The following TMC8 variants were observed in gnomAD, a reference collection of about 807,000 sequenced individuals.
The protein encoded by TMC8 is transmembrane channel like 8.
TMC8 carries 71 observed loss-of-function variants against 76.0 expected under a neutral mutation model. The observed-to-expected ratio is 0.93, with a 90% CI of 0.77 to 1.14. The LOEUF (loss-of-function observed/expected upper bound fraction) is 1.14. Ranked by LOEUF, TMC8 falls within the 50% of genes most tolerant of loss-of-function variation. TMC8 has a pLI of 0.00. For missense variants in TMC8, 924 were observed against 947.9 expected, an observed-to-expected ratio of 0.97 and a Z score of 0.33; for synonymous variants, 433 against 433.8, an observed-to-expected ratio of 1.00 and a Z score of 0.02.
chr17:78,133,259 G>C, intron 5 of TMC8, 147 bp from the exon 6 acceptor site: 2 of 1,309,474 alleles, frequency 1.5e-6, no homozygotes, highest in Non-Finnish European at 2.2e-6. Flanking sequence ...CCGTGGGCAC[G>C]TTGCCGAACC....
In TMC8 at chr17:78,141,375, A is replaced by T. The variant is rs1302794159; in HGVS notation, c.*263A>T. 5.9e-6 allele frequency: 2 copies of T among 339,212 alleles called. No individual in the cohort carries two copies. The highest frequency in any genetic ancestry group is 1.1e-5 in the Non-Finnish European group (2 of 188,002). The allele number at this position is 339,212 out of a possible 1,614,324, so 21.0% of individuals were successfully genotyped here. A position where few individuals can be genotyped will look rare whatever the true frequency, so the allele number is the denominator to read the frequency against. On this transcript the variant is annotated 3_prime_UTR_variant, in exon 16 of 16. Transcript: ENST00000318430. ...TAATCTATTAGTATAGTATCTCTTGAATGCGATTTTTTCTAGAATGTGTTC... is the reference window on the plus strand; with the variant it reads ...TAATCTATTAGTATAGTATCTCTTGTATGCGATTTTTTCTAGAATGTGTTC...
chr17:78,133,667 T>G, intron 6 of TMC8, 125 bp downstream of exon 6: 1 of 1,550,858 alleles, frequency 6.4e-7, no homozygotes, highest in Non-Finnish European at 8.7e-7. Context: ...TCCTGGGTGC[T>G]TCCTCAGCCC....
intron 15 of TMC8, among the ~76,000 whole-genome samples, chr17:78,139,611 C>T (rs976046112): frequency 6.6e-6 from 1 of 151,794 alleles, no homozygotes; most frequent in African/African-American, 2.4e-5. Context: ...AGAATGTGGC[C>T]GGGCGTGGTG....
rs2075056760 is a variant in TMC8 at position 78,132,718 on chromosome 17, G to A, written c.449-70G>A. 3 of 1,572,576 alleles carry A rather than the reference G, an allele frequency of 1.9e-6. No individual in the cohort carries two copies. The East Asian group carries it at 6.7e-5, about 35-fold the overall frequency. On this transcript the variant is annotated intron_variant, in intron 4 of 15. Coordinates refer to ENST00000318430, the MANE Select transcript of TMC8 (RefSeq NM_152468.5). ...GGCCTCCCCAGGGTTGGGGGTTATA[G>A]AGCAGTAGCCGCAGAGCCTCACCTA... is the stretch of plus-strand genomic sequence containing the variant.
rs7221365 is a variant in TMC8 at position 78,138,747 on chromosome 17, C to A, written c.1823+15C>A. 898,065 of 1,602,978 alleles carry A rather than the reference C, an allele frequency of 0.56. 254,998 individuals are homozygous for A. The highest frequency in any genetic ancestry group is 0.76 in the African/African-American group (56,996 of 74,958). ...ATCATGCTCAGGTTCTCAGGGCAGC[C>A]GGGGCCATGGGAGGGGACACCTGGA... On this transcript the variant is annotated intron_variant, in intron 14 of 15. Coordinates refer to ENST00000318430, the MANE Select transcript of TMC8 (RefSeq NM_152468.5).
At position 78,132,020 on chromosome 17, in the gene TMC8, C is replaced by A; in HGVS notation, c.288C>A (p.Tyr96Ter). ...TTGGGCTCTGGGAGGGGGCGCTCTACGAGATCGGGGGTAGGACCCGCGCGA... is the reference window on the plus strand; with the variant it reads ...TTGGGCTCTGGGAGGGGGCGCTCTAAGAGATCGGGGGTAGGACCCGCGCGA... ...RGLGLWEGALYEIGGLFGTGI... is the reference protein window; with the variant it reads ...RGLGLWEGAL Residue 96 changes from tyrosine (Y) to a stop codon, truncating the protein, a stop_gained, in exon 3 of 16, where the codon TAC becomes TAA. Transcript: ENST00000318430. LOFTEE classifies it high-confidence loss of function. 6.5e-7 allele frequency: 1 copy of A among 1,533,702 alleles called. No individual in the cohort carries two copies. Among genetic ancestry groups the A allele is most frequent in the Non-Finnish European group, 8.7e-7 (1 of 1,145,900 alleles).
chr17:78,132,576 G>C (rs1276447625), intron 4 of TMC8, 68 bp downstream of exon 4: 2 of 1,563,336 alleles, frequency 1.3e-6, no homozygotes, highest in African/African-American at 2.7e-5. Context: ...CTGGCCCAGG[G>C]CCCAGAGCGT....
intron 4 of TMC8, 79 bp downstream of exon 4, chr17:78,132,587 G>C: frequency 6.5e-7 from 1 of 1,549,920 alleles, no homozygotes; most frequent in Non-Finnish European, 8.7e-7. Context: ...CCCAGAGCGT[G>C]GCGACAACGC....
At position 78,137,551 on chromosome 17, in the gene TMC8, G is replaced by A; in HGVS notation, c.1252-166G>A. 6 of 1,161,912 alleles carry A rather than the reference G, an allele frequency of 5.2e-6. No individual in the cohort carries two copies. In the South Asian group the frequency reaches 7.5e-5, roughly 15 times the overall value. 72.0% of individuals were successfully genotyped at this position (1,161,912 alleles called of 1,614,324 possible). A position where few individuals can be genotyped will look rare whatever the true frequency, so the allele number is the denominator to read the frequency against. ...GGTGTAGTGTGGCTGCCCTGGCTGT[G>A]GGGCTTCCTGCTCTAATCCCATCCT... On this transcript the variant is annotated intron_variant, in intron 10 of 15. Coordinates refer to ENST00000318430, the MANE Select transcript of TMC8 (RefSeq NM_152468.5).
In TMC8 at chr17:78,131,328, G is replaced by C; in HGVS notation, c.-261G>C. On this transcript the variant is annotated 5_prime_UTR_variant, in exon 2 of 16. Coordinates refer to ENST00000318430, the MANE Select transcript of TMC8 (RefSeq NM_152468.5). ...TGTGTGTCCCTCTGAGAGTTGGAGC[G>C]GGGCTGGGCCCGAATTCGACCGCAG... 2 of 579,362 alleles carry C rather than the reference G, an allele frequency of 3.5e-6. No individual in the cohort carries two copies. Among genetic ancestry groups the C allele is most frequent in the Non-Finnish European group, 6.2e-6 (2 of 324,426 alleles). The allele number at this position is 579,362 out of a possible 1,614,324, so 35.9% of individuals were successfully genotyped here.
chr17:78,140,681 C>G (rs1012220359), intron 15 of TMC8, among the ~76,000 whole-genome samples, 153 bp from the exon 16 acceptor site: 1 of 150,736 alleles, frequency 6.6e-6, no homozygotes, highest in Non-Finnish European at 1.5e-5. Context: ...GAGGGTGTGG[C>G]CTCGAGCGGG....
In TMC8 at chr17:78,134,486, C is replaced by T. The variant is rs964828119; in HGVS notation, c.909C>T (p.Asn303=). 6.2e-7 allele frequency: 1 copy of T among 1,614,088 alleles called. No individual in the cohort carries two copies. Among genetic ancestry groups the T allele is most frequent in the Non-Finnish European group, 8.5e-7 (1 of 1,180,040 alleles). Residue 303 remains asparagine (N), a synonymous_variant, in exon 8 of 16, where the codon AAC becomes AAT. Coordinates refer to ENST00000318430, the MANE Select transcript of TMC8 (RefSeq NM_152468.5). ...ACRLLSYLRV[N]VLNGLLVVGA... Reference sequence around the variant, plus strand: ...GCCTGCTCTCCTACCTGCGGGTCAACGTACTCAACGGGCTCCTGGTGGTTG... The same window carrying T: ...GCCTGCTCTCCTACCTGCGGGTCAATGTACTCAACGGGCTCCTGGTGGTTG...
rs1236529856 is a variant in TMC8, at chr17:78,132,452, T to G, written c.392T>G (p.Val131Gly). The G allele has an allele frequency of 6.2e-7, 1 of 1,612,632 alleles. No individual in the cohort carries two copies. Among genetic ancestry groups the G allele is most frequent in the Non-Finnish European group, 8.5e-7 (1 of 1,179,590 alleles). The change falls in exon 4 of 16, where the codon GTG becomes GGG. Residue 131 changes from valine (V) to glycine (G), a missense_variant. Val to Gly is a moderately radical substitution (Grantham distance 109). Transcript: ENST00000318430. ...AGCCTGCTGCTCACCGCAAGCTTCG[T>G]GCTGCTGCCCCTGGTCTGGCTCCGC... is the stretch of plus-strand genomic sequence containing the variant. Reference protein sequence around the residue: ...LLSLLLTASFVLLPLVWLRPP... With the variant: ...LLSLLLTASFGLLPLVWLRPP...
Position 78,141,189 on chromosome 17 carries a change from C to A in TMC8, c.*77C>A. 1 of 1,041,736 alleles carries A rather than the reference C, an allele frequency of 9.6e-7. No homozygotes were observed. Among genetic ancestry groups the A allele is most frequent in the Non-Finnish European group, 1.3e-6 (1 of 749,416 alleles). 64.5% of individuals were successfully genotyped at this position (1,041,736 alleles called of 1,614,324 possible). A position where few individuals can be genotyped will look rare whatever the true frequency, so the allele number is the denominator to read the frequency against. ...ACTCCATCTTCCAGACCCCTGGCGA[C>A]CACCGCCCCTCTCAGTGGCTCCAGG... On this transcript the variant is annotated 3_prime_UTR_variant, in exon 16 of 16. Coordinates refer to ENST00000318430, the MANE Select transcript of TMC8 (RefSeq NM_152468.5).
In TMC8 at chr17:78,141,033, T is replaced by C. The variant is rs1378158734; in HGVS notation, c.2102T>C (p.Leu701Pro). The change falls in exon 16 of 16, where the codon CTG (leucine) becomes CCG (proline). Residue 701 changes from leucine (L) to proline (P), a missense_variant. Transcript: ENST00000318430. ...PGPSVVDAAG[L>P]RSPCPGQHGA... The stretch of plus-strand genomic sequence containing the variant: ...CCCTCCGTCGTGGATGCCGCGGGAC[T>C]GCGTTCCCCTTGCCCTGGACAGCAC... 1 of 1,604,810 alleles carries C rather than the reference T, an allele frequency of 6.2e-7. No homozygotes were observed. The highest frequency in any genetic ancestry group is 8.5e-7 in the Non-Finnish European group (1 of 1,177,312).
intron 3 of TMC8, 58 bp from the exon 4 acceptor site, chr17:78,132,301 C>G (rs2075025611): frequency 6.3e-7 from 1 of 1,598,506 alleles, no homozygotes; most frequent in Non-Finnish European, 8.5e-7. Flanking sequence ...CTTGGACTCT[C>G]AGCGCGGCCC....
At position 78,141,446 on chromosome 17, in the gene TMC8, C is replaced by G. The variant is rs2075371204; in HGVS notation, c.*334C>G. On this transcript the variant is annotated 3_prime_UTR_variant, in exon 16 of 16. Transcript: ENST00000318430. ...ATGAGTGCAATTTATACACATACATCTATTGGGAATGCTCAGAAGTTGTTT... is the reference window on the plus strand; with the variant it reads ...ATGAGTGCAATTTATACACATACATGTATTGGGAATGCTCAGAAGTTGTTT... 1 of 215,036 alleles carries G rather than the reference C, an allele frequency of 4.7e-6. No individual in the cohort carries two copies. Among genetic ancestry groups the G allele is most frequent in the African/African-American group, 2.3e-5 (1 of 43,980 alleles). 13.3% of individuals were successfully genotyped at this position (215,036 alleles called of 1,614,324 possible). A position where few individuals can be genotyped will look rare whatever the true frequency, so the allele number is the denominator to read the frequency against.
chr17:78,138,342 C>G lies in TMC8; in HGVS notation c.1534-7C>G. The G allele has an allele frequency of 6.2e-7, 1 of 1,610,578 alleles. No individual in the cohort carries two copies. Among genetic ancestry groups the G allele is most frequent in the Non-Finnish European group, 8.5e-7 (1 of 1,180,004 alleles). ...TGACTCCTGGTTGCTATTGCTTGCG[C>G]CCCCAGTACACCCTCCTGAAGAACT... On this transcript the variant is annotated splice_region_variant and splice_polypyrimidine_tract_variant and intron_variant, in intron 12 of 15. Coordinates refer to ENST00000318430, the MANE Select transcript of TMC8 (RefSeq NM_152468.5).
rs756526370 is a variant in TMC8, at chr17:78,131,431, G to A, written c.-158G>A. 1.9e-6 allele frequency: 2 copies of A among 1,034,632 alleles called. No homozygotes were observed. Among genetic ancestry groups the A allele is most frequent in the Non-Finnish European group, 2.8e-6 (2 of 702,156 alleles). The allele number at this position is 1,034,632 out of a possible 1,614,324, so 64.1% of individuals were successfully genotyped here. On this transcript the variant is annotated 5_prime_UTR_variant, in exon 2 of 16. Transcript: ENST00000318430. ...GCAAGTGAACCCTAGGGCTGCAGGA[G>A]CCCAGGCCCCGACGCCGGCGCAGAG... is the stretch of plus-strand genomic sequence containing the variant.
Sources: gnomAD v4.1 joint callset for allele counts (sites outside exome capture counted in the v4.1 genomes callset) on GRCh38, gnomAD v4.1.1 for gene constraint, MANE v1.5 for transcripts, NCBI Gene and HGNC (gene_info 2026-07-23, HGNC 2026-07-21) for gene names.